Variants in ADAMTS2 observed in about 807,000 individuals in gnomAD.
ADAMTS2 encodes A disintegrin and metalloproteinase with thrombospondin motifs 2.
ADAMTS2 carries 50 observed loss-of-function variants against 123.0 expected under a neutral mutation model. That is an observed-to-expected ratio of 0.41 (90% CI 0.32 to 0.51). ADAMTS2 has a LOEUF of 0.51. ADAMTS2 is among the 20% of genes least tolerant of loss of function. The probability of loss-of-function intolerance (pLI) is 0.35; values close to 1 mark genes in which losing one functional copy is unlikely to be tolerated. For synonymous variants in ADAMTS2, 678 were observed against 695.4 expected (o/e 0.98, Z 0.39); for missense variants, 1,494 against 1,705.2 (o/e 0.88, Z 2.18).
rs766731589 is a variant in ADAMTS2, at chr5:179,114,200, G to A, written c.3303C>T (p.Asn1101=). The A allele has an allele frequency of 1.9e-5, 31 of 1,611,878 alleles. No individual in the cohort carries two copies. Among genetic ancestry groups the A allele is most frequent in the South Asian group, 8.8e-5 (8 of 91,020 alleles). Reference sequence around the variant, plus strand: ...GCGGTGGCTCTATCCTGCCCTCCACGTTGGTGAGGTTGTTGTACAGGTTAC... The same window carrying A: ...GCGGTGGCTCTATCCTGCCCTCCACATTGGTGAGGTTGTTGTACAGGTTAC... The part of the protein sequence containing the change: ...KSCNLYNNLT[N]VEGRIEPPPG... The change falls in exon 22 of 22, where the codon AAC becomes AAT. Residue 1101 remains asparagine, a synonymous_variant. Transcript: ENST00000251582.
At chr5:179,216,112 TAG>T (rs1212842570) in intron 3 of ADAMTS2, among the ~76,000 whole-genome samples, 4 of 152,080 alleles carry the variant, frequency 2.6e-5, no homozygotes, top group Admixed American at 6.5e-5. Flanking sequence ...CCAACACAGA[TAG>T]AGAAAACGGG....
intron 21 of ADAMTS2, 60 bp from the exon 22 acceptor site, chr5:179,114,384 C>A: frequency 1.3e-6 from 2 of 1,527,916 alleles, no homozygotes; most frequent in East Asian, 2.3e-5. Context: ...TTTGTTCCCC[C>A]ACAGGGTGCA....
Position 179,113,935 on chromosome 5 carries a change from T to C in ADAMTS2, c.3568A>G (p.Thr1190Ala), listed in dbSNP as rs759906908. The change falls in exon 22 of 22, where the codon ACC (threonine) becomes GCC (alanine). Residue 1190 changes from threonine (T) to alanine (A), a missense_variant. By Grantham distance (58) the Thr-to-Ala change is moderately conservative. This residue lies in a region of ADAMTS2 where 953 missense variants were observed against 1,124.7 expected (regional missense o/e 0.85). Transcript: ENST00000251582. ...IPRRPSPYEKTRNQRIQELID... is the reference protein window; with the variant it reads ...IPRRPSPYEKARNQRIQELID... ...AGCTCTTGGATTCTTTGGTTTCTGGTCTTTTCATAGGGGCTCGGTCGTCGA... is the reference window on the plus strand; with the variant it reads ...AGCTCTTGGATTCTTTGGTTTCTGGCCTTTTCATAGGGGCTCGGTCGTCGA... 7 of 1,614,224 alleles carry C rather than the reference T, an allele frequency of 4.3e-6. No individual in the cohort carries two copies. The highest frequency in any genetic ancestry group is 3.3e-5 in the South Asian group (3 of 91,084).
At chr5:179,216,722 G>A (rs1041396717) in intron 3 of ADAMTS2, among the ~76,000 whole-genome samples, 1 of 152,240 alleles carries the variant, frequency 6.6e-6, no homozygotes, top group African/African-American at 2.4e-5. Flanking sequence ...TACACTGCCA[G>A]CGTGTGCCAG....
At chr5:179,159,978 G>A (rs989116459) in intron 5 of ADAMTS2, among the ~76,000 whole-genome samples, 8 of 152,092 alleles carry the variant, frequency 5.3e-5, no homozygotes, top group African/African-American at 9.7e-5. Flanking sequence ...TCCAAACACC[G>A]AAGTAGTTCC....
chr5:179,255,123 G>A (rs1022159772), intron 3 of ADAMTS2, among the ~76,000 whole-genome samples: 1 of 152,180 alleles, frequency 6.6e-6, no homozygotes, highest in African/African-American at 2.4e-5. Flanking sequence ...TGGATGGATA[G>A]ATGGATGGAT....
At chr5:179,288,336 C>CCCGA (rs1355637116) in intron 2 of ADAMTS2, among the ~76,000 whole-genome samples, 3 of 152,260 alleles carry the variant, frequency 2.0e-5, no homozygotes, top group African/African-American at 7.2e-5. Context: ...CCCTGCCAGG[C>CCCGA]CCGAGGCTGT....
chr5:179,313,638 C>T (rs1392363866), intron 2 of ADAMTS2, among the ~76,000 whole-genome samples: 5 of 21,844 alleles, frequency 2.3e-4, no homozygotes, highest in African/African-American at 6.4e-4. Flanking sequence ...ACACTCACAC[C>T]GAGACAGAGG....
intron 2 of ADAMTS2, among the ~76,000 whole-genome samples, chr5:179,337,915 C>A (rs899193529): frequency 6.6e-6 from 1 of 151,580 alleles, no homozygotes; most frequent in African/African-American, 2.4e-5. Flanking sequence ...ATGAGCCTCA[C>A]AGCAGGCCTG....
intron 5 of ADAMTS2, among the ~76,000 whole-genome samples, chr5:179,176,534 C>T (rs1763934107): frequency 6.6e-6 from 1 of 152,188 alleles, no homozygotes; most frequent in Non-Finnish European, 1.5e-5. Flanking sequence ...AGTCTCTCCG[C>T]CTTCACCCAC....
intron 2 of ADAMTS2, among the ~76,000 whole-genome samples, chr5:179,337,868 G>A (rs1334199018): frequency 6.8e-6 from 1 of 146,118 alleles, no homozygotes; most frequent in Non-Finnish European, 1.5e-5. Context: ...CTCTGCACGA[G>A]GGCCTGAATT....
rs371346211 is a variant in ADAMTS2 at position 179,218,134 on chromosome 5, T to C, written c.689-10419A>G. ...AGACTAAGGCCATGATGTTGGCAAA[T>C]GGCCAGGCCAGAATGCCAGCCCAGT... On this transcript the variant is annotated intron_variant, in intron 3 of 21. Transcript: ENST00000251582. Among the ~76,000 whole-genome samples the C allele has an allele frequency of 4.6e-5, 7 of 152,180 alleles. No homozygotes were observed. In the East Asian group the frequency reaches 1.2e-3, roughly 25 times the overall value.
chr5:179,223,737 ATG>A (rs1333382398), intron 3 of ADAMTS2, among the ~76,000 whole-genome samples: 3 of 152,140 alleles, frequency 2.0e-5, no homozygotes, highest in African/African-American at 4.8e-5. Flanking sequence ...CATTCATCAC[ATG>A]TGAGTGTATG....
chr5:179,341,919 G>A (rs1009936751), intron 2 of ADAMTS2, among the ~76,000 whole-genome samples: 1 of 152,090 alleles, frequency 6.6e-6, no homozygotes, highest in Non-Finnish European at 1.5e-5. Flanking sequence ...CTCTGCACAC[G>A]CTCCTCCCTC....
rs544242023 is a variant in ADAMTS2, at chr5:179,333,541, A to G, written c.534+10226T>C. Among the ~76,000 whole-genome samples, 8 of 151,336 alleles carry G rather than the reference A, an allele frequency of 5.3e-5. No homozygotes were observed. In the South Asian group the frequency reaches 1.7e-3, roughly 32 times the overall value. On this transcript the variant is annotated intron_variant, in intron 2 of 21. Transcript: ENST00000251582. ...TGCCCATCAGTGGGCAGGCAGAGAG[A>G]TCACACAATGGAAATGCTCTTCTGC...
chr5:179,315,436 T>A (rs189377256), intron 2 of ADAMTS2, among the ~76,000 whole-genome samples: 3 of 152,252 alleles, frequency 2.0e-5, no homozygotes, highest in Non-Finnish European at 4.4e-5. Flanking sequence ...GGATCCCAGG[T>A]CAGGAAACAG....
chr5:179,206,086 C>G (rs372192801), intron 4 of ADAMTS2, among the ~76,000 whole-genome samples: 2 of 152,146 alleles, frequency 1.3e-5, no homozygotes, highest in African/African-American at 4.8e-5. Context: ...ATTAAAGGTA[C>G]GTTTCAAAAA....
Position 179,154,133 on chromosome 5 carries a change from C to G in ADAMTS2, c.1298G>C (p.Ser433Thr). ...NRCGDEVRLG[S>T]IMAPLVQAAF... ...GGCCTGCACCAGGGGCGCCATGATG[C>G]TGCCCAGCCGCACCTCGTCGCCACA... The change falls in exon 8 of 22, where the codon AGC becomes ACC. Residue 433 changes from serine (S) to threonine (T), a missense_variant. Physicochemically the swap from Ser to Thr is moderately conservative, Grantham distance 58 (BLOSUM62 1). Around this residue, in one of 6 missense-constraint regions of ADAMTS2, gnomAD observed 953 missense variants for 1,124.7 expected, o/e 0.85. Coordinates refer to ENST00000251582, the MANE Select transcript of ADAMTS2 (RefSeq NM_014244.5). 1 of 1,589,312 alleles carries G rather than the reference C, an allele frequency of 6.3e-7. No individual in the cohort carries two copies. The highest frequency in any genetic ancestry group is 8.5e-7 in the Non-Finnish European group (1 of 1,173,660).
At chr5:179,220,716 C>T (rs1465197868) in intron 3 of ADAMTS2, among the ~76,000 whole-genome samples, 28 of 152,206 alleles carry the variant, frequency 1.8e-4, no homozygotes, top group Admixed American at 1.8e-3. Context: ...TCTGCGCCTC[C>T]CCCATCTCTG....
Sources: gnomAD v4.1 joint callset for allele counts (sites outside exome capture counted in the v4.1 genomes callset) on GRCh38, gnomAD v4.1.1 for gene constraint, gnomAD v4.1.1 regional missense constraint, MANE v1.5 for transcripts, NCBI Gene and HGNC (gene_info 2026-07-23, HGNC 2026-07-21) for gene names.